UNC13C: variants seen among roughly 807,000 people sequenced by gnomAD.
The protein encoded by UNC13C is protein unc-13 homolog C.
In UNC13C, 174 loss-of-function variants were observed where a neutral mutation model predicts 245.4. The observed-to-expected ratio is 0.71, with a 90% CI of 0.63 to 0.80. The LOEUF is 0.80. Ranked by LOEUF, UNC13C falls within the 30% of genes least tolerant of loss-of-function variation. The pLI is 0.00. For missense variants in UNC13C, 2,829 were observed against 2,602.9 expected (o/e 1.09, Z -1.89); for synonymous variants, 992 against 895.1 (o/e 1.11, Z -1.93).
At chr15:54,554,701 T>C (rs1181022084) in intron 28 of UNC13C, among the ~76,000 whole-genome samples, 2 of 152,082 alleles carry the variant, frequency 1.3e-5, no homozygotes, top group Non-Finnish European at 2.9e-5. Flanking sequence ...AGCCCTGGGA[T>C]GATTGTATCA....
At chr15:54,560,208 T>G (rs185068749) in intron 29 of UNC13C, among the ~76,000 whole-genome samples, 1 of 151,832 alleles carries the variant, frequency 6.6e-6, no homozygotes, top group Admixed American at 6.6e-5. Flanking sequence ...TGATGGAAAA[T>G]TGCTACCAAA....
At chr15:54,181,459 G>GTTTGT (rs1048732207) in intron 4 of UNC13C, among the ~76,000 whole-genome samples, 4 of 150,798 alleles carry the variant, frequency 2.7e-5, no homozygotes, top group East Asian at 3.9e-4. Flanking sequence ...TTTTTTGTTT[G>GTTTGT]TTTGTTTTGT....
the UNC13C span, among the ~76,000 whole-genome samples, chr15:53,901,277 T>C: frequency 4.0e-5 from 6 of 149,444 alleles, no homozygotes; most frequent in Admixed American, 1.4e-4. Context: ...TGGAGTGCAG[T>C]GGCACGATCT....
intron 2 of UNC13C, among the ~76,000 whole-genome samples, chr15:54,139,248 G>T (rs539107443): frequency 1.2e-3 from 162 of 133,094 alleles, no homozygotes; most frequent in Middle Eastern, 3.9e-3. Context: ...GTGAGCAACC[G>T]CATCCGGCCC....
chr15:54,104,650 A>G (rs947032439), intron 2 of UNC13C, among the ~76,000 whole-genome samples: 11 of 151,912 alleles, frequency 7.2e-5, no homozygotes, highest in African/African-American at 2.7e-4. Context: ...CTTATGATGC[A>G]GTATAATTTT....
chr15:54,079,932 T>C (rs1898845099), intron 2 of UNC13C, among the ~76,000 whole-genome samples: 1 of 151,352 alleles, frequency 6.6e-6, no homozygotes, highest in Non-Finnish European at 1.5e-5. Flanking sequence ...TTCAGTATAA[T>C]GTTAGGTGTG....
chr15:54,146,595 A>C (rs1595909736), intron 4 of UNC13C, among the ~76,000 whole-genome samples: 1 of 152,244 alleles, frequency 6.6e-6, no homozygotes, highest in African/African-American at 2.4e-5. Context: ...GGGACAGAGA[A>C]GAGGTGACAG....
chr15:54,315,909 C>T (rs1001222289), intron 13 of UNC13C, among the ~76,000 whole-genome samples: 4 of 151,656 alleles, frequency 2.6e-5, no homozygotes, highest in Middle Eastern at 3.4e-3. Context: ...AAATCCATTT[C>T]CTCCTCATCA....
chr15:54,610,716 A>G lies in UNC13C; in HGVS notation c.6107-11611A>G, dbSNP rs906052590. Among the ~76,000 whole-genome samples the G allele has an allele frequency of 1.1e-4, 17 of 152,322 alleles. No homozygotes were observed. The South Asian group carries it at 3.5e-3, about 32-fold the overall frequency. ...GTAAGAACTATTACTCCTATTTTACAGATGTGAGATTTGAGATTAAGTAAC... is the reference window on the plus strand; with the variant it reads ...GTAAGAACTATTACTCCTATTTTACGGATGTGAGATTTGAGATTAAGTAAC... On this transcript the variant is annotated intron_variant, in intron 30 of 32. Coordinates refer to ENST00000260323, the MANE Select transcript of UNC13C (RefSeq NM_001080534.3).
At chr15:54,179,730 A>C (rs2033735096) in intron 4 of UNC13C, among the ~76,000 whole-genome samples, 1 of 152,108 alleles carries the variant, frequency 6.6e-6, no homozygotes, top group African/African-American at 2.4e-5. Flanking sequence ...CAATATTTAA[A>C]AATCAAAATA....
the UNC13C span, among the ~76,000 whole-genome samples, chr15:53,891,715 G>A: frequency 0.99 from 150,125 of 152,286 alleles, 74,033 homozygotes; most frequent in Middle Eastern, 1. Flanking sequence ...TTTGCTTGCT[G>A]AATATTCCTC....
intron 30 of UNC13C, among the ~76,000 whole-genome samples, chr15:54,597,079 A>G (rs927604268): frequency 1.3e-5 from 2 of 152,248 alleles, no homozygotes; most frequent in South Asian, 2.1e-4. Context: ...TTTCATCCCA[A>G]AACTCATAAG....
At chr15:54,060,682 G>A (rs945021848) in intron 2 of UNC13C, among the ~76,000 whole-genome samples, 18 of 151,876 alleles carry the variant, frequency 1.2e-4, no homozygotes, top group South Asian at 4.2e-4. Context: ...TGTTTATTGC[G>A]GCACTATTCA....
chr15:54,031,972 T>A (rs1896376342), intron 2 of UNC13C, among the ~76,000 whole-genome samples: 1 of 152,238 alleles, frequency 6.6e-6, no homozygotes, highest in African/African-American at 2.4e-5. Context: ...GTCTGCTGCT[T>A]AGGTAAATCA....
intron 19 of UNC13C, among the ~76,000 whole-genome samples, chr15:54,420,856 A>T (rs895212236): frequency 6.6e-6 from 1 of 152,012 alleles, no homozygotes; most frequent in African/African-American, 2.4e-5. Context: ...TGGGAAGGGA[A>T]TTCTGGTTCA....
At chr15:54,057,570 A>G (rs1190507053) in intron 2 of UNC13C, among the ~76,000 whole-genome samples, 5 of 152,154 alleles carry the variant, frequency 3.3e-5, no homozygotes, top group Non-Finnish European at 5.9e-5. Flanking sequence ...AAAGTTAACC[A>G]GGATATCCAG....
intron 19 of UNC13C, among the ~76,000 whole-genome samples, chr15:54,449,395 G>A (rs1029224680): frequency 3.3e-5 from 5 of 152,160 alleles, no homozygotes; most frequent in Non-Finnish European, 7.3e-5. Flanking sequence ...CATTCTCTCT[G>A]TCACTTTCAG....
At chr15:53,950,392 T>C in the UNC13C span, among the ~76,000 whole-genome samples, 3 of 151,548 alleles carry the variant, frequency 2.0e-5, no homozygotes, top group East Asian at 3.9e-4. Flanking sequence ...TTTTTCTCTT[T>C]GCTTAGAAAA....
intron 17 of UNC13C, among the ~76,000 whole-genome samples, chr15:54,363,625 G>A (rs1435183620): frequency 6.6e-6 from 1 of 152,226 alleles, no homozygotes; most frequent in African/African-American, 2.4e-5. Context: ...GGCATGATCA[G>A]ATATGTGTTT....
Sources: allele counts gnomAD v4.1 joint callset (sites outside exome capture counted in the v4.1 genomes callset), GRCh38; gene constraint gnomAD v4.1.1; transcripts MANE v1.5; gene names NCBI Gene and HGNC (gene_info 2026-07-23, HGNC 2026-07-21).